The following DKK3 variants were observed in gnomAD, a reference collection of about 807,000 sequenced individuals.
The protein encoded by DKK3 is dickkopf Wnt signaling pathway inhibitor 3, also known as dickkopf-related protein 3.
Under a neutral mutation model 33.2 loss-of-function variants are expected in DKK3, and 22 were observed. The ratio of observed to expected loss-of-function variants is 0.66; its 90% CI spans 0.47 to 0.95. The LOEUF is 0.95. Ranked by LOEUF, DKK3 falls within the 40% of genes least tolerant of loss-of-function variation. The pLI is 0.00. For synonymous variants in DKK3, 194 were observed against 188.8 expected, an observed-to-expected ratio of 1.03 and a Z score of -0.23; for missense variants, 398 against 458.4, an observed-to-expected ratio of 0.87 and a Z score of 1.20.
chr11:12,000,564 G>C (rs1848404560), intron 2 of DKK3, among the ~76,000 whole-genome samples: 1 of 150,536 alleles, frequency 6.6e-6, no homozygotes, highest in Admixed American at 6.6e-5. Flanking sequence ...GGAATGCAGT[G>C]GCATGATCTC....
chr11:12,009,262 G>C (rs1848609150), upstream of DKK3: 1 of 984,408 alleles, frequency 1.0e-6, no homozygotes, highest in Admixed American at 6.2e-5. Flanking sequence ...TGCGGGAGCG[G>C]CGCGGTGGGC....
intron 5 of DKK3, 64 bp downstream of exon 5, chr11:11,966,890 A>G: frequency 6.3e-7 from 1 of 1,583,858 alleles, no homozygotes. Flanking sequence ...ACGTGGCTCC[A>G]GGAGGTCCAG....
At chr11:11,987,681 G>A (rs1383734034) in intron 3 of DKK3, among the ~76,000 whole-genome samples, 2 of 152,240 alleles carry the variant, frequency 1.3e-5, no homozygotes, top group Non-Finnish European at 2.9e-5. Flanking sequence ...AGGGGACCCT[G>A]TGAATTCTAC....
intron 3 of DKK3, among the ~76,000 whole-genome samples, chr11:11,971,029 A>ACTTT (rs1271843637): frequency 7.2e-6 from 1 of 138,928 alleles, no homozygotes; most frequent in African/African-American, 2.6e-5. Context: ...AAAATTGAAG[A>ACTTT]TTTTTTTTTT....
chr11:11,994,677 G>T (rs1189956288), intron 3 of DKK3: 1 of 152,224 alleles, frequency 6.6e-6, no homozygotes, highest in Non-Finnish European at 1.5e-5. Flanking sequence ...GGCGCAGGGA[G>T]AAAACAAAGC....
intron 3 of DKK3, among the ~76,000 whole-genome samples, chr11:11,986,847 G>A (rs72857678): frequency 0.069 from 10,512 of 152,164 alleles, 492 homozygotes; most frequent in Middle Eastern, 0.21. Flanking sequence ...TAGAAAACAC[G>A]TAAAACACTG....
rs199551448 is a variant in DKK3 at position 11,964,503 on chromosome 11, C to T, written c.1014G>A (p.Ala338=). The change falls in exon 7 of 7, where the codon GCG becomes GCA. Residue 338 remains alanine (A), a synonymous_variant. Transcript: ENST00000683431. ...LTEEMALREP[A]AAAAALLGGE... ...CTCCCAGCAGTGCAGCGGCGGCAGCCGCAGGCTCCCTCAGCGCCATCTCTT... is the reference window on the plus strand; with the variant it reads ...CTCCCAGCAGTGCAGCGGCGGCAGCTGCAGGCTCCCTCAGCGCCATCTCTT... The T allele has an allele frequency of 5.2e-5, 84 of 1,613,634 alleles. No homozygotes were observed. The highest frequency in any genetic ancestry group is 6.6e-5 in the Non-Finnish European group (78 of 1,180,032).
intron 2 of DKK3, 63 bp from the exon 3 acceptor site, chr11:11,998,842 G>T: frequency 6.7e-7 from 1 of 1,481,648 alleles, no homozygotes; most frequent in Non-Finnish European, 9.4e-7. Context: ...TCCACAAGTT[G>T]TTTTTGTGTT....
chr11:11,993,749 C>T (rs1001866421), intron 3 of DKK3, among the ~76,000 whole-genome samples: 2 of 151,994 alleles, frequency 1.3e-5, no homozygotes, highest in Admixed American at 1.3e-4. Flanking sequence ...ACAAATGTAC[C>T]CAAACTCTGT....
intron 5 of DKK3, among the ~76,000 whole-genome samples, chr11:11,966,344 G>A (rs915452386): frequency 6.6e-6 from 1 of 152,180 alleles, no homozygotes; most frequent in Non-Finnish European, 1.5e-5. Context: ...AAGTAGTGGA[G>A]AGAAAAGGAG....
intron 6 of DKK3, among the ~76,000 whole-genome samples, chr11:11,965,371 T>C (rs1241787037): frequency 6.6e-6 from 1 of 152,192 alleles, no homozygotes; most frequent in African/African-American, 2.4e-5. Flanking sequence ...CTGGCCAGGC[T>C]TGAGCCTCAT....
intron 3 of DKK3, among the ~76,000 whole-genome samples, chr11:11,991,188 G>C (rs943254870): frequency 4.6e-5 from 7 of 152,220 alleles, no homozygotes; most frequent in African/African-American, 1.7e-4. Context: ...CCTGCCCTCT[G>C]CCAAGGAGGG....
chr11:11,984,150 C>T (rs1564915196), intron 3 of DKK3, among the ~76,000 whole-genome samples: 2 of 152,106 alleles, frequency 1.3e-5, no homozygotes, highest in South Asian at 4.2e-4. Flanking sequence ...CCTTTAACAC[C>T]TAGATGAAGC....
intron 3 of DKK3, among the ~76,000 whole-genome samples, chr11:11,978,476 CTTT>C (rs1007409782): frequency 6.8e-5 from 8 of 117,470 alleles, no homozygotes; most frequent in Non-Finnish European, 1.4e-4. Context: ...TCCACTTCTT[CTTT>C]TTCTTCCTCT....
Position 11,967,090 on chromosome 11 carries a change from G to C in DKK3, c.537C>G (p.Thr179=). Residue 179 remains threonine (T), a synonymous_variant, in exon 5 of 7, where the codon ACC becomes ACG. Transcript: ENST00000683431. ...QPCRGQRMLC[T]RDSECCGDQL... is the part of the protein sequence containing the mutation. ...GGTCTCCACAGCACTCACTGTCCCG[G>C]GTGCAGAGCTGCAGACAGGTGGAAA... is the stretch of plus-strand genomic sequence containing the variant. The C allele has an allele frequency of 1.2e-6, 2 of 1,613,482 alleles. No individual in the cohort carries two copies.
At chr11:11,969,319 G>C (rs547393613) in intron 3 of DKK3, among the ~76,000 whole-genome samples, 1 of 152,310 alleles carries the variant, frequency 6.6e-6, no homozygotes. Context: ...GAGGGCAGGG[G>C]AGGAGGGAAC....
chr11:11,989,464 A>G (rs1322090312), intron 3 of DKK3, among the ~76,000 whole-genome samples: 4 of 152,218 alleles, frequency 2.6e-5, no homozygotes, highest in African/African-American at 7.2e-5. Context: ...TGAGGACATT[A>G]CACTAAGAGA....
chr11:11,994,884 T>C (rs1848259502), intron 3 of DKK3, among the ~76,000 whole-genome samples: 1 of 152,132 alleles, frequency 6.6e-6, no homozygotes, highest in African/African-American at 2.4e-5. Context: ...CAGGCTCCAA[T>C]ACATTTAACA....
At chr11:12,008,979 C>A (rs1848603533), upstream of DKK3, 1 of 1,001,670 alleles carries the variant, frequency 1.0e-6, no homozygotes, top group Non-Finnish European at 1.2e-6. The surrounding 1 kb of genome is among the most constrained non-coding windows in gnomAD (Gnocchi z 4.6). Context: ...CCTAGCCCCT[C>A]CTCGACCAGG....
Sources: allele counts gnomAD v4.1 joint callset (sites outside exome capture counted in the v4.1 genomes callset), GRCh38; gene constraint gnomAD v4.1.1; non-coding constraint Gnocchi (gnomAD v3.1); transcripts MANE v1.5; gene names NCBI Gene and HGNC (gene_info 2026-07-23, HGNC 2026-07-21).